DNAJC3: variants seen among roughly 807,000 people sequenced by gnomAD.
DNAJC3 encodes dnaJ homolog subfamily C member 3.
DNAJC3 carries 38 observed loss-of-function variants against 68.6 expected under a neutral mutation model. That is an observed-to-expected ratio of 0.55 (90% CI 0.43 to 0.73). The LOEUF (loss-of-function observed/expected upper bound fraction) is 0.73, where lower values mean the gene tolerates loss of function less well. DNAJC3 is among the 30% of genes least tolerant of loss of function. DNAJC3 has a pLI of 0.00. For synonymous variants in DNAJC3, 203 were observed against 204.0 expected (o/e 1.00, Z 0.04); for missense variants, 526 against 591.9 (o/e 0.89, Z 1.16).
At chr13:95,691,203 C>T (rs561023269) in intron 1 of DNAJC3, among the ~76,000 whole-genome samples, 7 of 151,874 alleles carry the variant, frequency 4.6e-5, no homozygotes, top group Admixed American at 3.9e-4. Context: ...CTGACCCCCC[C>T]ACCTCCCTCC....
intron 5 of DNAJC3, among the ~76,000 whole-genome samples, chr13:95,758,214 T>C (rs1882722718): frequency 6.6e-6 from 1 of 152,132 alleles, no homozygotes; most frequent in Non-Finnish European, 1.5e-5. Flanking sequence ...AGTATGTGCC[T>C]GTAGTCCTAG....
At chr13:95,730,249 C>A (rs1208973248) in intron 4 of DNAJC3, among the ~76,000 whole-genome samples, 1 of 152,248 alleles carries the variant, frequency 6.6e-6, no homozygotes, top group East Asian at 1.9e-4. Flanking sequence ...CCACTTTGGC[C>A]TCCCAAAGTG....
chr13:95,760,339 T>C, intron 6 of DNAJC3, 118 bp downstream of exon 6: 1 of 906,900 alleles, frequency 1.1e-6, no homozygotes. Flanking sequence ...AGGCTGTTTT[T>C]ATATTGTATA....
At chr13:95,780,803 T>A (rs1566514989) in intron 9 of DNAJC3, among the ~76,000 whole-genome samples, 1 of 152,252 alleles carries the variant, frequency 6.6e-6, no homozygotes, top group Non-Finnish European at 1.5e-5. Context: ...TGGGAACACC[T>A]GTTAGGAAAC....
At position 95,748,410 on chromosome 13, in the gene DNAJC3, A is replaced by T. The variant is rs191382914; in HGVS notation, c.394-9234A>T. On this transcript the variant is annotated intron_variant, in intron 4 of 11. Coordinates refer to ENST00000602402, the MANE Select transcript of DNAJC3 (RefSeq NM_006260.5). Reference sequence around the variant, plus strand: ...TATCAATTGTAAACAATTCAAACTAACATAATTATATCTATTATACATCAA... The same window carrying T: ...TATCAATTGTAAACAATTCAAACTATCATAATTATATCTATTATACATCAA... Among the ~76,000 whole-genome samples, 664 of 152,318 alleles carry T rather than the reference A, an allele frequency of 4.4e-3. 3 individuals carry two copies. Among genetic ancestry groups the T allele is most frequent in the Non-Finnish European group, 7.0e-3 (475 of 68,018 alleles).
Position 95,791,180 on chromosome 13 carries a change from C to A in DNAJC3, c.*150C>A. On this transcript the variant is annotated 3_prime_UTR_variant, in exon 12 of 12. Coordinates refer to ENST00000602402, the MANE Select transcript of DNAJC3 (RefSeq NM_006260.5). ...AATAGGAAAAAATCTGTTCTTATCC[C>A]TGTCAGATTTATGGTTAATGGGTTT... 4.5e-6 allele frequency: 4 copies of A among 897,132 alleles called. No homozygotes were observed. Among genetic ancestry groups the A allele is most frequent in the South Asian group, 1.8e-5 (1 of 56,536 alleles). 55.6% of individuals were successfully genotyped at this position (897,132 alleles called of 1,614,324 possible). A position where few individuals can be genotyped will look rare whatever the true frequency, so the allele number is the denominator to read the frequency against.
intron 1 of DNAJC3, among the ~76,000 whole-genome samples, chr13:95,702,382 G>A (rs1326624889): frequency 1.3e-5 from 2 of 152,150 alleles, no homozygotes; most frequent in South Asian, 2.1e-4. Context: ...GTTTCCGTAC[G>A]TGCCTTTGTG....
intron 4 of DNAJC3, among the ~76,000 whole-genome samples, chr13:95,729,093 T>C (rs374701332): frequency 4.6e-5 from 7 of 152,180 alleles, no homozygotes; most frequent in African/African-American, 1.7e-4. Flanking sequence ...ATTTCACTAA[T>C]AACCTCCAGT....
At chr13:95,690,957 C>G (rs1301860962) in intron 1 of DNAJC3, among the ~76,000 whole-genome samples, 1 of 126,236 alleles carries the variant, frequency 7.9e-6, no homozygotes, top group Non-Finnish European at 1.6e-5. Context: ...GGCGGCTGGC[C>G]GGGCGGGGGG....
intron 11 of DNAJC3, among the ~76,000 whole-genome samples, chr13:95,790,406 C>T (rs17882654): frequency 1.5e-4 from 23 of 152,270 alleles, no homozygotes; most frequent in Admixed American, 5.9e-4. Flanking sequence ...GTTATGGAGG[C>T]CCCGCTCCCC....
intron 4 of DNAJC3, among the ~76,000 whole-genome samples, chr13:95,738,983 A>G (rs1159687731): frequency 6.6e-6 from 1 of 151,788 alleles, no homozygotes; most frequent in East Asian, 1.9e-4. Flanking sequence ...TTCCATGTTT[A>G]GTGCTTCCTT....
At chr13:95,764,375 C>CTCTCTCTA (rs1363565634) in intron 9 of DNAJC3, among the ~76,000 whole-genome samples, 38 of 124,028 alleles carry the variant, frequency 3.1e-4, no homozygotes, top group South Asian at 8.1e-4. Flanking sequence ...CTCTCTCTCT[C>CTCTCTCTA]TATATATATA....
intron 1 of DNAJC3, chr13:95,694,109 C>A (rs1337374126): frequency 6.6e-6 from 1 of 152,034 alleles, no homozygotes; most frequent in African/African-American, 2.4e-5. Context: ...AACCCCGGAC[C>A]CTCACCCTAA....
At chr13:95,731,628 C>T (rs752454107) in intron 4 of DNAJC3, among the ~76,000 whole-genome samples, 7 of 152,156 alleles carry the variant, frequency 4.6e-5, no homozygotes, top group South Asian at 2.1e-4. Context: ...ACCATTCTTG[C>T]GTCTCTGGGA....
intron 10 of DNAJC3, 86 bp from the exon 11 acceptor site, chr13:95,786,921 G>A: frequency 6.7e-7 from 1 of 1,495,702 alleles, no homozygotes; most frequent in South Asian, 1.3e-5. Context: ...TTAATTGCCA[G>A]TAGGATCTTA....
chr13:95,704,831 G>A (rs927920433), intron 1 of DNAJC3, among the ~76,000 whole-genome samples: 1 of 130,702 alleles, frequency 7.7e-6, no homozygotes, highest in Non-Finnish European at 1.6e-5. Flanking sequence ...GTTTTAGAAA[G>A]GACTAATCTG....
chr13:95,684,782 T>C (rs1260080327), intron 1 of DNAJC3, among the ~76,000 whole-genome samples: 1 of 152,212 alleles, frequency 6.6e-6, no homozygotes, highest in Non-Finnish European at 1.5e-5. Context: ...CAGCCATGGC[T>C]GAAAGGGGCC....
In DNAJC3 at chr13:95,710,600, C is replaced by T. The variant is rs577356355; in HGVS notation, c.193+1263C>T. ...TTTGAACTTTCCTCAGAGTTCTTTA[C>T]TTATATATTTTTACCTTGATTTGAA... is the stretch of plus-strand genomic sequence containing the variant. On this transcript the variant is annotated intron_variant, in intron 2 of 11. Transcript: ENST00000602402. 1.6e-3 allele frequency among the ~76,000 whole-genome samples: 245 copies of T among 152,248 alleles called. 2 individuals carry two copies. The highest frequency in any genetic ancestry group is 5.7e-3 in the African/African-American group (235 of 41,538).
chr13:95,781,023 G>C (rs758376647), intron 9 of DNAJC3, among the ~76,000 whole-genome samples: 3 of 152,120 alleles, frequency 2.0e-5, no homozygotes, highest in Non-Finnish European at 4.4e-5. Context: ...CAGGCTGTAA[G>C]TAAATAGGAC....
Sources: gnomAD v4.1 joint callset for allele counts (sites outside exome capture counted in the v4.1 genomes callset) on GRCh38, gnomAD v4.1.1 for gene constraint, MANE v1.5 for transcripts, NCBI Gene and HGNC (gene_info 2026-07-23, HGNC 2026-07-21) for gene names.